Variants in APC2 observed in about 807,000 individuals in gnomAD.
APC2 encodes the protein adenomatous polyposis coli protein 2.
In APC2, 41 loss-of-function variants were observed where a neutral mutation model predicts 72.5. The observed-to-expected ratio is 0.57, with a 90% confidence interval of 0.44 to 0.73. APC2 has a LOEUF of 0.73. Ranked by LOEUF, APC2 falls within the 30% of genes least tolerant of loss-of-function variation. APC2 has a pLI of 0.00. For synonymous variants in APC2, 1,898 were observed against 1,612.0 expected (o/e 1.18, Z -4.25); for missense variants, 3,729 against 3,403.4 (o/e 1.10, Z -2.38).
chr19:1,469,364 C>T lies in APC2; in HGVS notation c.6063C>T (p.Pro2021=). ...LSSAESAASA[P]QGASPRRGRP... ...CGGCCGAGTCCGCGGCCTCTGCCCC[C>T]CAGGGCGCCTCGCCCCGCCGCGGCC... The change falls in exon 15 of 15, where the codon CCC becomes CCT. Residue 2021 remains proline (P), a synonymous_variant. Coordinates refer to ENST00000590469, the MANE Select transcript of APC2 (RefSeq NM_005883.3). The T allele has an allele frequency of 1.6e-6, 2 of 1,269,060 alleles. No individual in the cohort carries two copies. Among genetic ancestry groups the T allele is most frequent in the Non-Finnish European group, 2.0e-6 (2 of 1,005,400 alleles). 78.6% of individuals were successfully genotyped at this position (1,269,060 alleles called of 1,614,324 possible).
At position 1,455,389 on chromosome 19, in the gene APC2, C is replaced by T; in HGVS notation, c.528C>T (p.Phe176=). 1 of 1,608,906 alleles carries T rather than the reference C, an allele frequency of 6.2e-7. No homozygotes were observed. Among genetic ancestry groups the T allele is most frequent in the Non-Finnish European group, 8.5e-7 (1 of 1,178,210 alleles). Residue 176 remains phenylalanine, a synonymous_variant, in exon 6 of 15, where the codon TTC becomes TTT. Transcript: ENST00000590469. The part of the protein sequence containing the change: ...LDELPHVETQ[F]SMQMDLIRQQ... ...CGCCCGCCTGCCTTTGCCAGCAGTT[C>T]TCGATGCAGATGGACCTGATCCGGC...
At position 1,465,641 on chromosome 19, in the gene APC2, C is replaced by T. The variant is rs746633268; in HGVS notation, c.2340C>T (p.Asp780=). 33 of 1,603,722 alleles carry T rather than the reference C, an allele frequency of 2.1e-5. No individual in the cohort carries two copies. The highest frequency in any genetic ancestry group is 2.7e-5 in the Non-Finnish European group (32 of 1,176,114). The change falls in exon 15 of 15, where the codon GAC becomes GAT. Residue 780 remains aspartate, a synonymous_variant. Coordinates refer to ENST00000590469, the MANE Select transcript of APC2 (RefSeq NM_005883.3). ...CTTCCGATTCGGGCTGCTTTGACGA[C>T]GACGATGCACCGTCATCCCTGGCTG... ...DYASDSGCFD[D]DDAPSSLAAA...
chr19:1,464,443 C>T (rs2083973052), intron 14 of APC2, among the ~76,000 whole-genome samples: 1 of 152,044 alleles, frequency 6.6e-6, no homozygotes, highest in Admixed American at 6.6e-5. Context: ...GTAATCCCAG[C>T]CCTTTGGGAG....
chr19:1,470,032 T>C lies in APC2; in HGVS notation c.6731T>C (p.Phe2244Ser), dbSNP rs763660407. The C allele has an allele frequency of 1.3e-6, 2 of 1,563,136 alleles. No homozygotes were observed. The highest frequency in any genetic ancestry group is 1.7e-6 in the Non-Finnish European group (2 of 1,159,986). The part of the protein sequence containing the change: ...SLAKAPISAP[F>S]VHEGLGVAVG... ...GCCAAGGCTCCCATCTCCGCACCCT[T>C]CGTGCACGAGGGCCTGGGGGTCGCC... Residue 2244 changes from phenylalanine (F) to serine (S), a missense_variant, in exon 15 of 15, where the codon TTC becomes TCC. Transcript: ENST00000590469.
At chr19:1,460,931 G>A in intron 12 of APC2, 74 bp downstream of exon 12, 10 of 1,594,360 alleles carry the variant, frequency 6.3e-6, no homozygotes, top group Non-Finnish European at 8.6e-6. Flanking sequence ...GCGGTGTGGT[G>A]GGCTGGCAGG....
In APC2 at chr19:1,469,167, C is replaced by CGGGCGGGGACCG; in HGVS notation, c.5867_5878dup (p.Thr1959_Glu1960insGlyAlaGlyThr). 4 of 1,273,272 alleles carry CGGGCGGGGACCG rather than the reference C, an allele frequency of 3.1e-6. No individual in the cohort carries two copies. The highest frequency in any genetic ancestry group is 4.0e-6 in the Non-Finnish European group (4 of 1,010,912). The allele number at this position is 1,273,272 out of a possible 1,614,324, so 78.9% of individuals were successfully genotyped here. ...AGTCCCGGAGCCGGGCCCCAGGGGC[C>CGGGCGGGGACCG]GGGCGGGGACCGAGGCGGGCCCGGG... On this transcript the variant is annotated inframe_insertion, in exon 15 of 15. Transcript: ENST00000590469.
chr19:1,453,372 G>A (rs1569138697), intron 3 of APC2, 35 bp downstream of exon 3: 1 of 1,611,680 alleles, frequency 6.2e-7, no homozygotes, highest in Admixed American at 1.7e-5. Context: ...GGGAGTGGGG[G>A]AGGCTGGGGG....
At chr19:1,464,351 G>T (rs1330769443) in intron 14 of APC2, among the ~76,000 whole-genome samples, 2 of 151,634 alleles carry the variant, frequency 1.3e-5, no homozygotes, top group African/African-American at 2.4e-5. Flanking sequence ...TGTTAAATAA[G>T]AAATATTAAA....
upstream of APC2, among the ~76,000 whole-genome samples, chr19:1,449,997 C>T (rs913458380): frequency 5.3e-5 from 8 of 152,096 alleles, no homozygotes; most frequent in African/African-American, 1.9e-4. Flanking sequence ...AGGCCCGACG[C>T]CCCGCGGCCG....
rs1365080082 is a variant in APC2, at chr19:1,465,828, G to A, written c.2527G>A (p.Ala843Thr). The A allele has an allele frequency of 1.9e-6, 3 of 1,580,070 alleles. No homozygotes were observed. Among genetic ancestry groups the A allele is most frequent in the Non-Finnish European group, 1.7e-6 (2 of 1,164,742 alleles). Residue 843 changes from alanine to threonine, a missense_variant, in exon 15 of 15, where the codon GCC (alanine) becomes ACC (threonine). Physicochemically the swap from Ala to Thr is moderately conservative, Grantham distance 58. Coordinates refer to ENST00000590469, the MANE Select transcript of APC2 (RefSeq NM_005883.3). ...TSGEAAVAAKAKAKLALAVAR... is the reference protein window; with the variant it reads ...TSGEAAVAAKTKAKLALAVAR... ...TGGGGAGGCAGCCGTGGCGGCCAAG[G>A]CCAAGGCCAAGCTGGCGCTTGCAGT...
rs142142534 is a variant in APC2, at chr19:1,462,115, C to T, written c.1791C>T (p.Ile597=). 4.7e-5 allele frequency: 76 copies of T among 1,612,644 alleles called. No individual in the cohort carries two copies. The Middle Eastern group carries it at 6.6e-4, about 14-fold the overall frequency. The change falls in exon 14 of 15, where the codon ATC becomes ATT. Residue 597 remains isoleucine, a synonymous_variant. Coordinates refer to ENST00000590469, the MANE Select transcript of APC2 (RefSeq NM_005883.3). The part of the protein sequence containing the change: ...YKCQSNSLAI[I]ESGGGILRNV... ...GTCAGAGCAACTCGCTGGCCATCAT[C>T]GAGAGCGGCGGCGGCATCCTCCGCA...
Position 1,452,745 on chromosome 19 carries a change from T to C in APC2, c.-18-239T>C. 1.9e-6 allele frequency: 1 copy of C among 533,208 alleles called. No homozygotes were observed. Among genetic ancestry groups the C allele is most frequent in the Non-Finnish European group, 3.4e-6 (1 of 298,264 alleles). 33.0% of individuals were successfully genotyped at this position (533,208 alleles called of 1,614,324 possible). ...TTCAGCTGTCTGTACGTCTGTCTGC[T>C]GGCCCCTCTGTCTCCCCTTGGGGCC... On this transcript the variant is annotated intron_variant, in intron 1 of 14. Transcript: ENST00000590469. This position sits in a 1 kb window ranked among gnomAD's most constrained non-coding sequence, Gnocchi z 5.1.
At chr19:1,460,708 G>A (rs1364290531) in intron 11 of APC2, 72 bp from the exon 12 acceptor site, 2 of 1,468,480 alleles carry the variant, frequency 1.4e-6, no homozygotes, top group East Asian at 2.4e-5. Flanking sequence ...CACACAGACG[G>A]GGCTGGGAGG....
chr19:1,457,603 C>T (rs1421533295), intron 9 of APC2: 1 of 501,854 alleles, frequency 2.0e-6, no homozygotes, highest in Non-Finnish European at 3.6e-6. Context: ...AAGGCAGAAG[C>T]AGGAGAATTG....
chr19:1,467,355 C>T lies in APC2; in HGVS notation c.4054C>T (p.Pro1352Ser). Residue 1352 changes from proline (P) to serine (S), a missense_variant, in exon 15 of 15, where the codon CCT becomes TCT. Physicochemically the swap from Pro to Ser is moderately conservative, Grantham distance 74. Coordinates refer to ENST00000590469, the MANE Select transcript of APC2 (RefSeq NM_005883.3). Reference protein sequence around the residue: ...LLRECLGAAVPARLRKVASAL... With the variant: ...LLRECLGAAVSARLRKVASAL... ...GCGGGAGTGCCTGGGAGCCGCCGTG[C>T]CTGCCCGGCTGCGCAAGGTGGCCTC... 6.8e-7 allele frequency: 1 copy of T among 1,463,694 alleles called. No individual in the cohort carries two copies. The highest frequency in any genetic ancestry group is 9.0e-7 in the Non-Finnish European group (1 of 1,112,020). 90.7% of individuals were successfully genotyped at this position (1,463,694 alleles called of 1,614,324 possible).
chr19:1,464,256 C>T (rs1473922986), intron 14 of APC2, among the ~76,000 whole-genome samples: 2 of 151,482 alleles, frequency 1.3e-5, no homozygotes, highest in Admixed American at 6.6e-5. Context: ...TTGCAGTGAG[C>T]GGAGATCATG....
chr19:1,454,032 G>T (rs922111265), intron 4 of APC2, among the ~76,000 whole-genome samples: 2 of 152,202 alleles, frequency 1.3e-5, no homozygotes, highest in Non-Finnish European at 2.9e-5. Context: ...CCAGCAGAGG[G>T]AGGCAGGGTC....
At position 1,467,860 on chromosome 19, in the gene APC2, C is replaced by T. The variant is rs2145247734; in HGVS notation, c.4559C>T (p.Ala1520Val). 1 of 1,548,836 alleles carries T rather than the reference C, an allele frequency of 6.5e-7. No individual in the cohort carries two copies. Among genetic ancestry groups the T allele is most frequent in the South Asian group, 1.2e-5 (1 of 84,524 alleles). ...AACGACTCGGACGAGGAGCCCCCGG[C>T]GGCCGCGCCCACGCCAACCCACCGG... The part of the protein sequence containing the change: ...YGNDSDEEPP[A>V]AAPTPTHRRT... The change falls in exon 15 of 15, where the codon GCG (alanine) becomes GTG (valine). Residue 1520 changes from alanine (A) to valine (V), a missense_variant. Ala to Val is a moderately conservative substitution (Grantham distance 64, BLOSUM62 0). Coordinates refer to ENST00000590469, the MANE Select transcript of APC2 (RefSeq NM_005883.3).
At position 1,462,183 on chromosome 19, in the gene APC2, C is replaced by CGGGG; in HGVS notation, c.1853+6_1853+7insGGGG. 11 of 1,522,072 alleles carry CGGGG rather than the reference C, an allele frequency of 7.2e-6. No individual in the cohort carries two copies. Among genetic ancestry groups the CGGGG allele is most frequent in the Non-Finnish European group, 8.8e-6 (10 of 1,130,862 alleles). The allele number at this position is 1,522,072 out of a possible 1,614,324, so 94.3% of individuals were successfully genotyped here. On this transcript the variant is annotated splice_region_variant and intron_variant, in intron 14 of 14. Coordinates refer to ENST00000590469, the MANE Select transcript of APC2 (RefSeq NM_005883.3). The stretch of plus-strand genomic sequence containing the variant: ...GCCACCCGTGAGGACTACAGGTCGG[C>CGGGG]CCCCACCCCCCCACCCGCACACAGG...
Sources: gnomAD v4.1 joint callset for allele counts (sites outside exome capture counted in the v4.1 genomes callset) on GRCh38, gnomAD v4.1.1 for gene constraint, Gnocchi (gnomAD v3.1) non-coding constraint, MANE v1.5 for transcripts, NCBI Gene and HGNC (gene_info 2026-07-23, HGNC 2026-07-21) for gene names.